Variants in ERBB4 observed in about 807,000 individuals in gnomAD.
ERBB4 encodes receptor tyrosine-protein kinase erbB-4.
A neutral mutation model predicts 158.0 loss-of-function variants in ERBB4; 42 were observed. The observed-to-expected ratio is 0.27, with a 90% confidence interval of 0.21 to 0.34. The LOEUF (loss-of-function observed/expected upper bound fraction) is 0.34. Among genes scored for constraint, ERBB4 ranks in the 10% least tolerant of loss-of-function variants. ERBB4 has a pLI of 1.00. For synonymous variants in ERBB4, 583 were observed against 558.7 expected (o/e 1.04, Z -0.61); for missense variants, 1,333 against 1,624.1 (o/e 0.82, Z 3.08).
intron 3 of ERBB4, among the ~76,000 whole-genome samples, chr2:211,862,493 A>T (rs2078085954): frequency 6.6e-6 from 1 of 152,186 alleles, no homozygotes; most frequent in African/African-American, 2.4e-5. Flanking sequence ...GAATATGTTC[A>T]TAAGTCAAAA....
chr2:211,790,497 A>G (rs1371541270), intron 3 of ERBB4, among the ~76,000 whole-genome samples: 2 of 152,076 alleles, frequency 1.3e-5, no homozygotes, highest in East Asian at 1.9e-4. Context: ...GTCTTATCAA[A>G]TCCCTTTCTT....
intron 2 of ERBB4, among the ~76,000 whole-genome samples, chr2:212,027,202 T>C (rs17415412): frequency 0.08 from 12,227 of 151,984 alleles, 692 homozygotes; most frequent in Non-Finnish European, 0.12. Context: ...ATGAATAGCA[T>C]TGGAGATAGA....
chr2:212,245,476 ATAT>A (rs1380827138), intron 1 of ERBB4, among the ~76,000 whole-genome samples: 10 of 152,180 alleles, frequency 6.6e-5, no homozygotes, highest in African/African-American at 2.4e-4. Flanking sequence ...TGGTTGTCAT[ATAT>A]TATTAATAAC....
At chr2:212,398,499 T>A (rs1206744279) in intron 1 of ERBB4, among the ~76,000 whole-genome samples, 1 of 152,154 alleles carries the variant, frequency 6.6e-6, no homozygotes, top group South Asian at 2.1e-4. Flanking sequence ...AATGCCAACA[T>A]GATCATTGTA....
intron 1 of ERBB4, among the ~76,000 whole-genome samples, chr2:212,259,326 A>G (rs549533165): frequency 6.6e-6 from 1 of 152,282 alleles, no homozygotes; most frequent in Non-Finnish European, 1.5e-5. Flanking sequence ...TGAAAAGCCA[A>G]TGAGTCCCCT....
chr2:211,486,451 C>A (rs531598859), intron 20 of ERBB4, among the ~76,000 whole-genome samples: 1 of 151,686 alleles, frequency 6.6e-6, no homozygotes, highest in African/African-American at 2.4e-5. Context: ...AGTTGTAGAG[C>A]AACCTATGTC....
chr2:212,484,387 A>G (rs536057413), intron 1 of ERBB4, among the ~76,000 whole-genome samples: 37 of 150,428 alleles, frequency 2.5e-4, no homozygotes, highest in African/African-American at 9.2e-4. Flanking sequence ...TATATAATAG[A>G]ATCTAGAAAA....
In ERBB4 at chr2:212,056,514, AG is replaced by A. The variant is rs1273308304; in HGVS notation, c.234+68237del. Among the ~76,000 whole-genome samples the A allele has an allele frequency of 3.3e-5, 5 of 152,226 alleles. No homozygotes were observed. In the East Asian group the frequency reaches 9.6e-4, roughly 29 times the overall value. ...AGTTGAAATGAAGGAAAAAATGTTA[AG>A]GGCAGCCAGAGAGAAAGGTCGGGTT... On this transcript the variant is annotated intron_variant, in intron 2 of 27. Transcript: ENST00000342788.
At chr2:212,392,001 T>C (rs2090890195) in intron 1 of ERBB4, among the ~76,000 whole-genome samples, 2 of 151,526 alleles carry the variant, frequency 1.3e-5, no homozygotes, top group South Asian at 4.1e-4. Flanking sequence ...TTAGGATGAC[T>C]GAATAGAACT....
At chr2:211,740,965 T>A (rs544928023) in intron 5 of ERBB4, among the ~76,000 whole-genome samples, 123 of 152,314 alleles carry the variant, frequency 8.1e-4, no homozygotes, top group African/African-American at 2.7e-3. Flanking sequence ...ATAATACATT[T>A]CAATAATTTT....
intron 20 of ERBB4, among the ~76,000 whole-genome samples, chr2:211,508,857 G>A (rs1435349328): frequency 1.3e-5 from 2 of 152,086 alleles, no homozygotes; most frequent in Admixed American, 1.3e-4. Context: ...GTGAACCCAG[G>A]AGGCGGAGCT....
intron 1 of ERBB4, among the ~76,000 whole-genome samples, chr2:212,281,943 G>T (rs975047994): frequency 6.6e-6 from 1 of 151,648 alleles, no homozygotes; most frequent in African/African-American, 2.4e-5. Flanking sequence ...TACACGATAC[G>T]TTTATAAAAC....
At chr2:212,534,974 T>G (rs1692964231) in intron 1 of ERBB4, among the ~76,000 whole-genome samples, 1 of 151,946 alleles carries the variant, frequency 6.6e-6, no homozygotes, top group Admixed American at 6.6e-5. Context: ...TAAGACACAT[T>G]TCCAGTGACT....
intron 20 of ERBB4, among the ~76,000 whole-genome samples, chr2:211,509,675 G>T (rs1421995348): frequency 6.6e-6 from 1 of 151,996 alleles, no homozygotes; most frequent in Non-Finnish European, 1.5e-5. Flanking sequence ...CAATGGGAGA[G>T]AATATTAAAA....
chr2:211,685,441 T>G (rs1385392273), intron 12 of ERBB4, among the ~76,000 whole-genome samples: 1 of 152,176 alleles, frequency 6.6e-6, no homozygotes, highest in Non-Finnish European at 1.5e-5. Flanking sequence ...ATTGGGTATA[T>G]TTGTGTCAGT....
intron 2 of ERBB4, among the ~76,000 whole-genome samples, chr2:211,970,793 T>C (rs1173693631): frequency 6.6e-6 from 1 of 152,186 alleles, no homozygotes; most frequent in Non-Finnish European, 1.5e-5. Flanking sequence ...ATGGGTCTCT[T>C]AGAGGCAGCA....
intron 3 of ERBB4, among the ~76,000 whole-genome samples, chr2:211,829,018 T>C (rs2077163883): frequency 6.6e-6 from 1 of 152,180 alleles, no homozygotes; most frequent in Non-Finnish European, 1.5e-5. Flanking sequence ...ATTGGACTAA[T>C]CTTAATCTTT....
chr2:211,863,983 G>C (rs1258996069), intron 3 of ERBB4, among the ~76,000 whole-genome samples: 4 of 152,126 alleles, frequency 2.6e-5, no homozygotes, highest in Non-Finnish European at 4.4e-5. Flanking sequence ...GTGAGCCTCT[G>C]TTAGAAGCAT....
Position 212,373,800 on chromosome 2 carries a change from CAT to C in ERBB4, c.82+164647_82+164648del, listed in dbSNP as rs1480360981. On this transcript the variant is annotated intron_variant, in intron 1 of 27. Transcript: ENST00000342788. ...ATGTATATATCCACGTATATATATC[CAT>C]ATATATATCCATGTATATATCCATA... Among the ~76,000 whole-genome samples the C allele has an allele frequency of 3.3e-5, 3 of 90,320 alleles. No homozygotes were observed. In the East Asian group the frequency reaches 6.9e-4, roughly 21 times the overall value. 59.3% of individuals were successfully genotyped at this position (90,320 alleles called of 152,430 possible). A position where few individuals can be genotyped will look rare whatever the true frequency, so the allele number is the denominator to read the frequency against.
Sources: gnomAD v4.1 joint callset for allele counts (sites outside exome capture counted in the v4.1 genomes callset) on GRCh38, gnomAD v4.1.1 for gene constraint, MANE v1.5 for transcripts, NCBI Gene and HGNC (gene_info 2026-07-23, HGNC 2026-07-21) for gene names.